The following CDH13 variants were observed in gnomAD, a reference collection of about 807,000 sequenced individuals.
CDH13 encodes the protein cadherin-13.
A neutral mutation model predicts 63.8 loss-of-function variants in CDH13; 24 were observed. The observed-to-expected ratio is 0.38, with a 90% CI of 0.27 to 0.53. CDH13 has a LOEUF of 0.53. Among genes scored for constraint, CDH13 ranks in the 20% least tolerant of loss-of-function variants. CDH13 has a pLI of 0.85. For synonymous variants in CDH13, 503 were observed against 355.3 expected (o/e 1.42, Z -4.67); for missense variants, 1,049 against 903.1 (o/e 1.16, Z -2.07).
chr16:83,064,847 C>T (rs887084059), intron 3 of CDH13, among the ~76,000 whole-genome samples: 17 of 152,010 alleles, frequency 1.1e-4, no homozygotes, highest in African/African-American at 4.1e-4. Context: ...GTTACCTATC[C>T]TTTTTTTGCT....
At chr16:82,976,253 A>G (rs1304455153) in intron 2 of CDH13, among the ~76,000 whole-genome samples, 2 of 152,162 alleles carry the variant, frequency 1.3e-5, no homozygotes, top group Non-Finnish European at 2.9e-5. Context: ...GAAGAAGTTA[A>G]CAAACACCAG....
At chr16:83,576,747 A>G (rs1465071717) in intron 7 of CDH13, among the ~76,000 whole-genome samples, 2 of 152,080 alleles carry the variant, frequency 1.3e-5, no homozygotes, top group African/African-American at 2.4e-5. Flanking sequence ...ACTTACATTT[A>G]TGTCATGATT....
intron 8 of CDH13, among the ~76,000 whole-genome samples, chr16:83,606,043 A>G (rs1166896585): frequency 2.0e-5 from 3 of 152,194 alleles, no homozygotes; most frequent in Non-Finnish European, 2.9e-5. Context: ...GATATGGAAG[A>G]GGTAGGAAAA....
chr16:83,245,617 T>A (rs1265632632), intron 5 of CDH13, among the ~76,000 whole-genome samples: 1 of 152,264 alleles, frequency 6.6e-6, no homozygotes, highest in Non-Finnish European at 1.5e-5. Flanking sequence ...GAATTGTAAA[T>A]TCAAATTGTT....
intron 3 of CDH13, among the ~76,000 whole-genome samples, chr16:83,065,135 A>G (rs1400255509): frequency 1.3e-5 from 2 of 152,164 alleles, no homozygotes; most frequent in Admixed American, 1.3e-4. Flanking sequence ...TATTTGTATT[A>G]TCCACTGGCC....
intron 5 of CDH13, among the ~76,000 whole-genome samples, chr16:83,304,029 G>A (rs763990958): frequency 1.3e-5 from 2 of 152,102 alleles, no homozygotes; most frequent in Non-Finnish European, 2.9e-5. Flanking sequence ...AACATCCCAG[G>A]GTGTGCAATG....
At chr16:82,900,316 A>G (rs150967021) in intron 2 of CDH13, among the ~76,000 whole-genome samples, 1 of 152,218 alleles carries the variant, frequency 6.6e-6, no homozygotes, top group Admixed American at 6.5e-5. Context: ...CAAACAGGCC[A>G]AGCCAAATAA....
intron 2 of CDH13, among the ~76,000 whole-genome samples, chr16:82,955,348 T>A (rs1341751566): frequency 6.6e-6 from 1 of 152,194 alleles, no homozygotes; most frequent in Non-Finnish European, 1.5e-5. Context: ...AAGAAGGATG[T>A]TATCGGTACA....
intron 1 of CDH13, among the ~76,000 whole-genome samples, chr16:82,773,976 G>A (rs943226099): frequency 4.6e-5 from 7 of 151,940 alleles, no homozygotes; most frequent in African/African-American, 1.5e-4. Flanking sequence ...GGAGAGACAG[G>A]GTTTCACTAT....
At chr16:83,670,102 G>T (rs1246665188) in intron 8 of CDH13, among the ~76,000 whole-genome samples, 1 of 152,160 alleles carries the variant, frequency 6.6e-6, no homozygotes, top group Non-Finnish European at 1.5e-5. Context: ...TCATGTAGAT[G>T]ATTTCTTAGA....
intron 7 of CDH13, among the ~76,000 whole-genome samples, chr16:83,504,773 G>A (rs2074359470): frequency 6.6e-6 from 1 of 152,200 alleles, no homozygotes; most frequent in Non-Finnish European, 1.5e-5. Context: ...TTGGTGACAA[G>A]AGTAGTGGCT....
At chr16:83,101,749 G>A (rs374722977) in intron 3 of CDH13, among the ~76,000 whole-genome samples, 5 of 152,190 alleles carry the variant, frequency 3.3e-5, no homozygotes, top group Non-Finnish European at 5.9e-5. Flanking sequence ...AGCCGAGATC[G>A]TGCCCCTGCA....
intron 6 of CDH13, among the ~76,000 whole-genome samples, chr16:83,468,071 G>C (rs578184763): frequency 3.9e-5 from 6 of 152,294 alleles, no homozygotes; most frequent in African/African-American, 1.4e-4. Flanking sequence ...TTGCTTCCAT[G>C]CCCTTTTGGC....
intron 6 of CDH13, among the ~76,000 whole-genome samples, chr16:83,410,177 T>A (rs1051207495): frequency 1.3e-5 from 2 of 152,186 alleles, no homozygotes; most frequent in African/African-American, 4.8e-5. Flanking sequence ...AGCACCAAGA[T>A]GCCAAGTTGT....
chr16:83,654,920 G>C (rs1344150284), intron 8 of CDH13: 2 of 152,290 alleles, frequency 1.3e-5, no homozygotes, highest in Admixed American at 6.5e-5. Flanking sequence ...CTGCTCCCTG[G>C]GGCACGTGTT....
intron 3 of CDH13, among the ~76,000 whole-genome samples, chr16:83,048,107 G>A (rs139461063): frequency 2.0e-3 from 305 of 152,254 alleles, no homozygotes; most frequent in Non-Finnish European, 3.5e-3. Flanking sequence ...AATCTGTGTC[G>A]TCCTGGAGAA....
chr16:82,913,966 G>T lies in CDH13; in HGVS notation c.157+55493G>T, dbSNP rs149427777. ...GCAGGAGATGTAGACAGCGCTGGGG[G>T]ATGTAGACACCACTTGTTAAAATCT... On this transcript the variant is annotated intron_variant, in intron 2 of 13. Transcript: ENST00000567109. 2.1e-3 allele frequency among the ~76,000 whole-genome samples: 317 copies of T among 151,828 alleles called. 2 individuals are homozygous for T. The highest frequency in any genetic ancestry group is 7.1e-3 in the African/African-American group (292 of 41,150).
intron 1 of CDH13, among the ~76,000 whole-genome samples, chr16:82,632,706 T>A (rs1042927152): frequency 4.2e-5 from 3 of 71,250 alleles, no homozygotes; most frequent in Admixed American, 1.3e-4. Flanking sequence ...CGGACTAGAA[T>A]TGGGGGGATG....
intron 6 of CDH13, among the ~76,000 whole-genome samples, chr16:83,418,158 G>C (rs1046148937): frequency 6.6e-6 from 1 of 152,142 alleles, no homozygotes. Flanking sequence ...TCAGCAAGTT[G>C]CCTCGTCTTA....
Sources: gnomAD v4.1 joint callset for allele counts (sites outside exome capture counted in the v4.1 genomes callset) on GRCh38, gnomAD v4.1.1 for gene constraint, MANE v1.5 for transcripts, NCBI Gene and HGNC (gene_info 2026-07-23, HGNC 2026-07-21) for gene names.